RTL4: variants seen among roughly 807,000 people sequenced by gnomAD.
RTL4 encodes retrotransposon Gag like 4.
RTL4 carries 4 observed loss-of-function variants against 5.3 expected under a neutral mutation model. The ratio of observed to expected loss-of-function variants is 0.75; its 90% CI spans 0.37 to 1.72. RTL4 has a LOEUF of 1.72. Among genes scored for constraint, RTL4 ranks in the 40% most tolerant of loss-of-function variants. The pLI, the probability that RTL4 is intolerant of heterozygous loss-of-function variation, is 0.04. For missense variants in RTL4, 260 were observed against 227.1 expected, an observed-to-expected ratio of 1.14 and a Z score of -0.93; for synonymous variants, 98 against 87.3, an observed-to-expected ratio of 1.12 and a Z score of -0.68.
At chrX:112,104,701 G>C in the RTL4 span, among the ~76,000 whole-genome samples, 1 of 111,660 alleles carries the variant, frequency 9.0e-6, no homozygotes, top group African/African-American at 3.2e-5. Flanking sequence ...GTCTTCTTTT[G>C]AGAAATGCCT....
the RTL4 span, among the ~76,000 whole-genome samples, chrX:112,419,027 A>G: frequency 4.1e-5 from 1 of 24,441 alleles, no homozygotes; most frequent in African/African-American, 1.0e-4. Context: ...AAAATTTCAC[A>G]TAAGATATAT....
chrX:112,269,697 G>A, the RTL4 span, among the ~76,000 whole-genome samples: 1 of 111,916 alleles, frequency 8.9e-6, no homozygotes, highest in Non-Finnish European at 1.9e-5. Context: ...TGCCTTGAAA[G>A]CCCACCTCCC....
the RTL4 span, among the ~76,000 whole-genome samples, chrX:112,336,131 G>A: frequency 1.3e-4 from 14 of 111,648 alleles, no homozygotes; most frequent in Middle Eastern, 4.7e-3. Context: ...GGTTTTCCTT[G>A]TAGCCAAGTA....
chrX:112,190,908 A>T, the RTL4 span, among the ~76,000 whole-genome samples: 9 of 111,798 alleles, frequency 8.1e-5, no homozygotes, highest in Admixed American at 8.5e-4. Context: ...CCATGTACTG[A>T]TCTTCTGGCC....
chrX:112,257,637 T>A, the RTL4 span, among the ~76,000 whole-genome samples: 1 of 109,706 alleles, frequency 9.1e-6, no homozygotes, highest in East Asian at 2.8e-4. Context: ...TGCTGGGTCC[T>A]CAACTCTTTA....
At chrX:112,195,620 G>A in the RTL4 span, among the ~76,000 whole-genome samples, 1 of 111,403 alleles carries the variant, frequency 9.0e-6, no homozygotes, top group Non-Finnish European at 1.9e-5. Context: ...TGGGAGATAA[G>A]TAGTACTGAG....
At chrX:112,291,250 C>T in the RTL4 span, among the ~76,000 whole-genome samples, 2 of 110,490 alleles carry the variant, frequency 1.8e-5, no homozygotes, top group Admixed American at 9.7e-5. Context: ...CATTTCCTTC[C>T]TCTCAGTTTG....
chrX:112,436,289 A>G, the RTL4 span, among the ~76,000 whole-genome samples: 1 of 111,347 alleles, frequency 9.0e-6, no homozygotes, highest in African/African-American at 3.3e-5. Flanking sequence ...TTTCTCCTTT[A>G]TCAAACCTAA....
the RTL4 span, among the ~76,000 whole-genome samples, chrX:112,407,362 G>C: frequency 1.8e-5 from 2 of 111,475 alleles, no homozygotes; most frequent in Admixed American, 1.9e-4. Flanking sequence ...TGGTAGTCTG[G>C]TAGTACTCCC....
the RTL4 span, among the ~76,000 whole-genome samples, chrX:112,245,711 T>A: frequency 8.9e-6 from 1 of 112,432 alleles, no homozygotes; most frequent in Non-Finnish European, 1.9e-5. Context: ...CTTGTCAAAG[T>A]CATTCTCCAT....
the RTL4 span, among the ~76,000 whole-genome samples, chrX:112,361,569 A>C: frequency 0.015 from 1,658 of 110,929 alleles, 34 homozygotes; most frequent in African/African-American, 0.052. Context: ...GAAGTGACCC[A>C]ATGGATTTTA....
chrX:112,372,480 TTTC>T, the RTL4 span, among the ~76,000 whole-genome samples: 1 of 111,089 alleles, frequency 9.0e-6, no homozygotes, highest in Non-Finnish European at 1.9e-5. Context: ...CTTGAGGATT[TTTC>T]TTCTATTCCT....
chrX:112,197,254 GA>G, the RTL4 span, among the ~76,000 whole-genome samples: 1 of 110,181 alleles, frequency 9.1e-6, no homozygotes, highest in Non-Finnish European at 1.9e-5. Flanking sequence ...TTGTTAGGTG[GA>G]GTGAAGAGAG....
At chrX:112,324,425 G>A in the RTL4 span, among the ~76,000 whole-genome samples, 1 of 111,607 alleles carries the variant, frequency 9.0e-6, no homozygotes, top group South Asian at 3.7e-4. Flanking sequence ...TGAAACCAAT[G>A]CTATATAGTT....
At chrX:112,412,995 AAAC>A in the RTL4 span, among the ~76,000 whole-genome samples, 1 of 112,034 alleles carries the variant, frequency 8.9e-6, no homozygotes, top group African/African-American at 3.2e-5. Context: ...TAAGGAGCTC[AAAC>A]AACTCAATAT....
chrX:112,308,567 C>T, the RTL4 span, among the ~76,000 whole-genome samples: 6 of 111,453 alleles, frequency 5.4e-5, no homozygotes, highest in African/African-American at 1.6e-4. Context: ...GACAAAAGGG[C>T]ACCTTTCCTT....
At chrX:112,430,129 G>A in the RTL4 span, among the ~76,000 whole-genome samples, 2 of 111,171 alleles carry the variant, frequency 1.8e-5, no homozygotes, top group African/African-American at 6.5e-5. Context: ...TTCAAATGTT[G>A]CATTTGTTCT....
At chrX:112,206,715 G>C in the RTL4 span, among the ~76,000 whole-genome samples, 40 of 111,336 alleles carry the variant, frequency 3.6e-4, no homozygotes, top group African/African-American at 1.3e-3. Flanking sequence ...TTCCAAATTT[G>C]TGCCTCTCTA....
chrX:112,440,180 T>C, the RTL4 span, among the ~76,000 whole-genome samples: 13 of 112,139 alleles, frequency 1.2e-4, no homozygotes, highest in Non-Finnish European at 2.1e-4. Context: ...GCTGGTTCTT[T>C]AGCCATCCCT....
Sources: gnomAD v4.1 joint callset for allele counts (sites outside exome capture counted in the v4.1 genomes callset) on GRCh38, gnomAD v4.1.1 for gene constraint, MANE v1.5 for transcripts, NCBI Gene and HGNC (gene_info 2026-07-23, HGNC 2026-07-21) for gene names.